Variants in MAPK8IP3 observed in about 807,000 individuals in gnomAD.
MAPK8IP3 encodes mitogen-activated protein kinase 8 interacting protein 3, also known as C-Jun-amino-terminal kinase-interacting protein 3.
Under a neutral mutation model 157.8 loss-of-function variants are expected in MAPK8IP3, and 49 were observed. That is an observed-to-expected ratio of 0.31 (90% CI 0.25 to 0.39). The LOEUF (loss-of-function observed/expected upper bound fraction) is 0.39, where lower values mean the gene tolerates loss of function less well. Ranked by LOEUF, MAPK8IP3 falls within the 10% of genes least tolerant of loss-of-function variation. The pLI is 1.00. For missense variants in MAPK8IP3, 1,478 were observed against 1,889.4 expected, an observed-to-expected ratio of 0.78 and a Z score of 4.04; for synonymous variants, 897 against 777.7, an observed-to-expected ratio of 1.15 and a Z score of -2.55.
chr16:1,744,346 A>G, intron 5 of MAPK8IP3: 1 of 985,952 alleles, frequency 1.0e-6, no homozygotes, highest in Non-Finnish European at 1.2e-6. Flanking sequence ...CCAGAAGCTT[A>G]CTTCCTGCTG....
chr16:1,708,854 C>T (rs952070358), intron 1 of MAPK8IP3, among the ~76,000 whole-genome samples: 2 of 152,190 alleles, frequency 1.3e-5, no homozygotes, highest in Non-Finnish European at 2.9e-5. Context: ...ATGCTGTCAA[C>T]ATTTGGCATG....
chr16:1,708,273 C>T (rs901797372), intron 1 of MAPK8IP3, among the ~76,000 whole-genome samples: 1 of 152,216 alleles, frequency 6.6e-6, no homozygotes. Context: ...CCATGTCAGG[C>T]AGCTGCAGGC....
At chr16:1,754,309 T>G (rs1296741519) in intron 8 of MAPK8IP3, among the ~76,000 whole-genome samples, 1 of 152,210 alleles carries the variant, frequency 6.6e-6, no homozygotes, top group East Asian at 1.9e-4. Context: ...ACTAAGGAAC[T>G]TATTTTTCTG....
chr16:1,746,710 G>C (rs1168546235), intron 5 of MAPK8IP3: 1 of 369,062 alleles, frequency 2.7e-6, no homozygotes, highest in Non-Finnish European at 5.0e-6. Context: ...GGCTGCCGCT[G>C]TGTCCCTGGC....
At chr16:1,736,785 TGTGTGACCGTCCGTGTGAGC>T (rs2039916381) in intron 4 of MAPK8IP3, among the ~76,000 whole-genome samples, 2 of 56,124 alleles carry the variant, frequency 3.6e-5, no homozygotes, top group African/African-American at 8.1e-5. Context: ...TGACCATCCG[TGTGTGACCGTCCGTGTGAGC>T]GTGTGACCGT....
rs2141846733 is a variant in MAPK8IP3 at position 1,743,211 on chromosome 16, G to A, written c.603-121G>A. On this transcript the variant is annotated intron_variant, in intron 4 of 31. Transcript: ENST00000610761. The surrounding 1 kb of genome is among the most constrained non-coding windows in gnomAD (Gnocchi z 5.6). Reference sequence around the variant, plus strand: ...TCATAACTGAGTAGCTGCTCGAGCTGGGCTGCTGGCTGGCATGGAGCGGCC... The same window carrying A: ...TCATAACTGAGTAGCTGCTCGAGCTAGGCTGCTGGCTGGCATGGAGCGGCC... 7.3e-7 allele frequency: 1 copy of A among 1,375,354 alleles called. No homozygotes were observed. The highest frequency in any genetic ancestry group is 1.7e-5 in the South Asian group (1 of 57,162). The allele number at this position is 1,375,354 out of a possible 1,614,324, so 85.2% of individuals were successfully genotyped here.
rs1331201597 is a variant in MAPK8IP3, at chr16:1,724,506, T to G, written c.319-51T>G. ...TGCGGCCCTTCAAGTGAAAGGCGGC[T>G]GCTCCACACTCACTCCTGATGACTG... On this transcript the variant is annotated intron_variant, in intron 1 of 31. Transcript: ENST00000610761. The surrounding 1 kb of genome is among the most constrained non-coding windows in gnomAD (Gnocchi z 4.1). 6.3e-7 allele frequency: 1 copy of G among 1,586,506 alleles called. No individual in the cohort carries two copies. The highest frequency in any genetic ancestry group is 1.7e-5 in the Admixed American group (1 of 58,976).
intron 1 of MAPK8IP3, among the ~76,000 whole-genome samples, chr16:1,714,940 G>A (rs2038046039): frequency 2.6e-5 from 4 of 152,102 alleles, no homozygotes; most frequent in Admixed American, 2.6e-4. Flanking sequence ...CCAGGGAGAT[G>A]TTTCATAGGA....
intron 4 of MAPK8IP3, among the ~76,000 whole-genome samples, chr16:1,731,517 G>C (rs2039316430): frequency 6.6e-6 from 1 of 152,202 alleles, no homozygotes; most frequent in African/African-American, 2.4e-5. Flanking sequence ...AGTGTCACGT[G>C]TCACGCATGA....
At chr16:1,761,446 A>C (rs991259537) in intron 13 of MAPK8IP3, 141 bp downstream of exon 13, 16 of 695,972 alleles carry the variant, frequency 2.3e-5, no homozygotes, top group Non-Finnish European at 3.6e-5. Context: ...CACCATTCAC[A>C]GGCAGAGCGG....
intron 1 of MAPK8IP3, among the ~76,000 whole-genome samples, chr16:1,714,550 C>T (rs901961544): frequency 7.9e-5 from 12 of 152,156 alleles, no homozygotes; most frequent in African/African-American, 2.7e-4. Context: ...CAAAACTTGC[C>T]TTTTGTTAAA....
intron 4 of MAPK8IP3, among the ~76,000 whole-genome samples, chr16:1,738,520 G>A (rs2040268853): frequency 7.5e-6 from 1 of 133,746 alleles, no homozygotes; most frequent in Admixed American, 7.8e-5. Context: ...CCATCCATGT[G>A]AGCATCTGTG....
At chr16:1,763,815 G>GGGCC in intron 17 of MAPK8IP3, 32 bp downstream of exon 17, 1 of 1,145,724 alleles carries the variant, frequency 8.7e-7, no homozygotes, top group Non-Finnish European at 1.1e-6. Context: ...ACCGGGCGGG[G>GGGCC]CCCCGCAGAG....
At chr16:1,740,442 C>A (rs2040603152) in intron 4 of MAPK8IP3, among the ~76,000 whole-genome samples, 1 of 145,402 alleles carries the variant, frequency 6.9e-6, no homozygotes, top group South Asian at 2.3e-4. Context: ...CCTCTAACAC[C>A]TGTCTCCTTA....
At chr16:1,732,611 C>T (rs1333146759) in intron 4 of MAPK8IP3, among the ~76,000 whole-genome samples, 6 of 152,222 alleles carry the variant, frequency 3.9e-5, no homozygotes, top group Middle Eastern at 3.2e-3. Flanking sequence ...GCCCTGAGAA[C>T]GGGCGGCGCC....
chr16:1,732,771 C>T (rs1295914437), intron 4 of MAPK8IP3, among the ~76,000 whole-genome samples: 4 of 147,840 alleles, frequency 2.7e-5, no homozygotes, highest in South Asian at 2.1e-4. Context: ...GCCCCGAGAA[C>T]GGGTGGTGCC....
rs555759460 is a variant in MAPK8IP3, at chr16:1,751,651, G to A, written c.1216+2931G>A. 7 of 152,252 alleles carry A rather than the reference G, an allele frequency of 4.6e-5. No individual in the cohort carries two copies. The highest frequency in any genetic ancestry group is 2.1e-4 in the South Asian group (1 of 4,818). 9.4% of individuals were successfully genotyped at this position (152,252 alleles called of 1,614,324 possible). On this transcript the variant is annotated intron_variant, in intron 8 of 31. Coordinates refer to ENST00000610761, the MANE Select transcript of MAPK8IP3 (RefSeq NM_001318852.2). This position sits in a 1 kb window ranked among gnomAD's most constrained non-coding sequence, Gnocchi z 5.0. Reference sequence around the variant, plus strand: ...CAGTCCAGTGGGTCTTAGCATGCTCGGTGTTGACAGTCACATCGTCTTCAC... The same window carrying A: ...CAGTCCAGTGGGTCTTAGCATGCTCAGTGTTGACAGTCACATCGTCTTCAC...
In MAPK8IP3 at chr16:1,768,791, C is replaced by T. The variant is rs1388252657; in HGVS notation, c.3981C>T (p.Ile1327=). ...PVLSKAERSH[I]IVWQVSYTPE is the part of the protein sequence containing the mutation. ...TGTCCAAGGCAGAGCGCAGTCACAT[C>T]ATCGTGTGGCAGGTGTCCTACACCC... Residue 1327 remains isoleucine (I), a synonymous_variant, in exon 32 of 32, where the codon ATC becomes ATT. Transcript: ENST00000610761. 9.3e-6 allele frequency: 15 copies of T among 1,612,560 alleles called. No individual in the cohort carries two copies. Among genetic ancestry groups the T allele is most frequent in the South Asian group, 5.5e-5 (5 of 91,090 alleles).
intron 1 of MAPK8IP3, among the ~76,000 whole-genome samples, chr16:1,720,468 G>A (rs181654287): frequency 1.3e-5 from 2 of 152,112 alleles, no homozygotes; most frequent in Non-Finnish European, 2.9e-5. Flanking sequence ...GGTCGAGTAC[G>A]CCTGTTGGTG....
Sources: gnomAD v4.1 joint callset for allele counts (sites outside exome capture counted in the v4.1 genomes callset) on GRCh38, gnomAD v4.1.1 for gene constraint, Gnocchi (gnomAD v3.1) non-coding constraint, MANE v1.5 for transcripts, NCBI Gene and HGNC (gene_info 2026-07-23, HGNC 2026-07-21) for gene names.